Variants in APP observed in about 807,000 individuals in gnomAD.
APP encodes amyloid-beta precursor protein.
APP carries 31 observed loss-of-function variants against 101.4 expected under a neutral mutation model. The ratio of observed to expected loss-of-function variants is 0.31; its 90% CI spans 0.23 to 0.41. The LOEUF (loss-of-function observed/expected upper bound fraction) is 0.41, where lower values mean the gene tolerates loss of function less well. APP is among the 10% of genes least tolerant of loss of function. APP has a pLI of 1.00. For missense variants in APP, 839 were observed against 1,003.7 expected (o/e 0.84, Z 2.22); for synonymous variants, 366 against 364.4 (o/e 1.00, Z -0.05).
rs868502175 is a variant in APP at position 25,947,114 on chromosome 21, G to A, written c.1687+7476C>T. Reference sequence around the variant, plus strand: ...TGGTAAAACTATAAAAATCATTCAGGAAAACGGATGCTGTATTACATGTGA... The same window carrying A: ...TGGTAAAACTATAAAAATCATTCAGAAAAACGGATGCTGTATTACATGTGA... On this transcript the variant is annotated intron_variant, in intron 13 of 17. Transcript: ENST00000346798. Among the ~76,000 whole-genome samples, 32 of 152,216 alleles carry A rather than the reference G, an allele frequency of 2.1e-4. 1 individual carries two copies. In the Middle Eastern group the frequency reaches 0.01, roughly 49 times the overall value.
At chr21:26,007,229 A>G (rs1270583913) in intron 6 of APP, among the ~76,000 whole-genome samples, 1 of 151,632 alleles carries the variant, frequency 6.6e-6, no homozygotes, top group Non-Finnish European at 1.5e-5. Flanking sequence ...AATGTAAGAC[A>G]AATATAATTT....
intron 13 of APP, among the ~76,000 whole-genome samples, chr21:25,944,042 C>A (rs533038970): frequency 9.9e-5 from 15 of 152,002 alleles, no homozygotes; most frequent in Admixed American, 3.3e-4. Context: ...ATGCCCCCCC[C>A]CAACCAAAAG....
chr21:25,934,461 A>C (rs2146407002), intron 13 of APP: 1 of 151,962 alleles, frequency 6.6e-6, no homozygotes, highest in East Asian at 1.9e-4. Context: ...TTTGAGATGG[A>C]GTCTCGCTCC....
At chr21:26,148,562 A>G (rs777360204) in intron 1 of APP, among the ~76,000 whole-genome samples, 1 of 152,236 alleles carries the variant, frequency 6.6e-6, no homozygotes, top group Non-Finnish European at 1.5e-5. Context: ...TTCAGGCATC[A>G]AAAATGTTAT....
chr21:26,167,100 C>T (rs2063634262), intron 1 of APP, among the ~76,000 whole-genome samples: 1 of 152,136 alleles, frequency 6.6e-6, no homozygotes, highest in Non-Finnish European at 1.5e-5. Flanking sequence ...TGATCTCATC[C>T]CATTGTTCCT....
chr21:26,028,421 G>A (rs1439585377), intron 5 of APP, among the ~76,000 whole-genome samples: 2 of 152,102 alleles, frequency 1.3e-5, no homozygotes, highest in African/African-American at 2.4e-5. Context: ...TGAGTTGGCC[G>A]GAAGTGATAG....
rs373548913 is a variant in APP, at chr21:25,884,569, G to T, written c.2212-2798C>A. ...TTAAAGATTAGCACCAATAATGAGA[G>T]ATTTCATTCACTCTGTAAATCTGTG... On this transcript the variant is annotated intron_variant, in intron 17 of 17. Coordinates refer to ENST00000346798, the MANE Select transcript of APP (RefSeq NM_000484.4). Among the ~76,000 whole-genome samples, 45 of 150,576 alleles carry T rather than the reference G, an allele frequency of 3.0e-4. 1 individual carries two copies. Among genetic ancestry groups the T allele is most frequent in the African/African-American group, 1.1e-3 (45 of 40,440 alleles).
In APP at chr21:26,111,991, C is replaced by T; in HGVS notation, c.213G>A (p.Gln71=). Residue 71 remains glutamine (Q), a synonymous_variant, in exon 2 of 18, where the codon CAG becomes CAA. Coordinates refer to ENST00000346798, the MANE Select transcript of APP (RefSeq NM_000484.4). ...TCIDTKEGIL[Q]YCQEVYPELQ... is the part of the protein sequence containing the mutation. ...GGACAGGACTTACTTCTTGGCAATA[C>T]TGCAGGATGCCTTCCTTGGTATCAA... 1.2e-6 allele frequency: 2 copies of T among 1,614,056 alleles called. No homozygotes were observed. The highest frequency in any genetic ancestry group is 1.7e-5 in the Admixed American group (1 of 60,018).
chr21:26,061,081 A>G (rs2145994869), intron 3 of APP, among the ~76,000 whole-genome samples: 1 of 152,312 alleles, frequency 6.6e-6, no homozygotes, highest in South Asian at 2.1e-4. Context: ...CAGGTGGGAG[A>G]TGACAATGAC....
intron 17 of APP, among the ~76,000 whole-genome samples, chr21:25,882,984 C>G (rs1601250905): frequency 6.6e-6 from 1 of 152,204 alleles, no homozygotes; most frequent in Non-Finnish European, 1.5e-5. Flanking sequence ...CAGCAATGCC[C>G]CTGAAGCCAA....
At chr21:26,016,492 G>A (rs1177699337) in intron 6 of APP, among the ~76,000 whole-genome samples, 1 of 152,252 alleles carries the variant, frequency 6.6e-6, no homozygotes, top group Non-Finnish European at 1.5e-5. Flanking sequence ...ATTTTGACAT[G>A]AGTGTAGCAG....
chr21:26,074,116 C>T (rs2830040), intron 3 of APP, among the ~76,000 whole-genome samples: 5,682 of 152,078 alleles, frequency 0.037, 142 homozygotes, highest in Non-Finnish European at 0.058. Flanking sequence ...ACCACGTTCT[C>T]GGAAGGTAGT....
intron 13 of APP, chr21:25,941,330 A>C (rs933434182): frequency 5.3e-5 from 8 of 152,220 alleles, no homozygotes; most frequent in Non-Finnish European, 1.2e-4. Context: ...ATCAAGTGAA[A>C]CTTAGAAACA....
At chr21:25,958,461 T>C (rs547051913) in intron 11 of APP, among the ~76,000 whole-genome samples, 1 of 152,262 alleles carries the variant, frequency 6.6e-6, no homozygotes, top group East Asian at 1.9e-4. Flanking sequence ...GTATTTTTAG[T>C]AGAGACGGGG....
At chr21:26,147,601 T>C (rs968495609) in intron 1 of APP, among the ~76,000 whole-genome samples, 9 of 122,554 alleles carry the variant, frequency 7.3e-5, no homozygotes, top group Non-Finnish European at 1.6e-4. Flanking sequence ...AGATGTAACT[T>C]AAAAGAAAAA....
At chr21:25,951,055 A>T (rs938493365) in intron 13 of APP, among the ~76,000 whole-genome samples, 10 of 152,146 alleles carry the variant, frequency 6.6e-5, no homozygotes, top group Non-Finnish European at 1.3e-4. Flanking sequence ...CTGTGGCTAG[A>T]CCCATGAATT....
intron 8 of APP, among the ~76,000 whole-genome samples, chr21:25,995,998 AC>A: frequency 6.6e-6 from 1 of 152,060 alleles, no homozygotes; most frequent in Non-Finnish European, 1.5e-5. Flanking sequence ...TATCTAAGTT[AC>A]AACTGAAATT....
intron 1 of APP, among the ~76,000 whole-genome samples, chr21:26,112,613 G>C (rs2062354305): frequency 1.3e-5 from 2 of 152,348 alleles, no homozygotes; most frequent in Non-Finnish European, 1.5e-5. Context: ...TCAGCACTGA[G>C]AGCAAGTATG....
intron 6 of APP, among the ~76,000 whole-genome samples, chr21:26,020,959 C>A (rs2044308541): frequency 6.6e-6 from 1 of 152,040 alleles, no homozygotes; most frequent in Non-Finnish European, 1.5e-5. Context: ...GAAAGCACTG[C>A]CGTACTTCCC....
Sources: gnomAD v4.1 joint callset for allele counts (sites outside exome capture counted in the v4.1 genomes callset) on GRCh38, gnomAD v4.1.1 for gene constraint, MANE v1.5 for transcripts, NCBI Gene and HGNC (gene_info 2026-07-23, HGNC 2026-07-21) for gene names.